LRRC38: variants seen among roughly 807,000 people sequenced by gnomAD.
The protein encoded by LRRC38 is leucine rich repeat containing 38.
A neutral mutation model predicts 16.4 loss-of-function variants in LRRC38; 5 were observed. The ratio of observed to expected loss-of-function variants is 0.31; its 90% CI spans 0.16 to 0.64. The LOEUF is 0.64. LRRC38 is among the 30% of genes least tolerant of loss of function. LRRC38 has a pLI of 0.80. For missense variants in LRRC38, 341 were observed against 401.8 expected (o/e 0.85, Z 1.29); for synonymous variants, 191 against 190.2 (o/e 1.00, Z -0.04).
At chr1:13,488,073 T>C (rs543682625) in intron 1 of LRRC38, among the ~76,000 whole-genome samples, 3 of 149,402 alleles carry the variant, frequency 2.0e-5, no homozygotes, top group African/African-American at 5.0e-5. Context: ...TACATAAATC[T>C]ACCAAGCAGA....
Position 13,512,987 on chromosome 1 carries a change from C to T in LRRC38, c.607G>A (p.Glu203Lys), listed in dbSNP as rs1639291506. 1 of 1,356,606 alleles carries T rather than the reference C, an allele frequency of 7.4e-7. No individual in the cohort carries two copies. The highest frequency in any genetic ancestry group is 9.8e-7 in the Non-Finnish European group (1 of 1,025,392). The allele number at this position is 1,356,606 out of a possible 1,614,324, so 84.0% of individuals were successfully genotyped here. ...DFAHLFSWIQENASKLPKGLD... is the reference protein window; with the variant it reads ...DFAHLFSWIQKNASKLPKGLD... ...CCTTTGGGCAGTTTGGATGCGTTCT[C>T]CTGGATCCAGGAGAAGAGGTGGGCG... Residue 203 changes from glutamate to lysine, a missense_variant, in exon 1 of 2, where the codon GAG (glutamate) becomes AAG (lysine). Glu to Lys is a moderately conservative substitution (Grantham distance 56). Coordinates refer to ENST00000376085, the MANE Select transcript of LRRC38 (RefSeq NM_001010847.2).
chr1:13,499,922 C>T (rs115697476), intron 1 of LRRC38, among the ~76,000 whole-genome samples: 168 of 152,208 alleles, frequency 1.1e-3, no homozygotes, highest in African/African-American at 3.8e-3. Flanking sequence ...CTGTACAGGG[C>T]GAACCTGCCT....
intron 1 of LRRC38, among the ~76,000 whole-genome samples, chr1:13,493,466 C>T (rs1639042255): frequency 1.3e-5 from 2 of 152,178 alleles, no homozygotes; most frequent in South Asian, 4.1e-4. Context: ...GAGATCCAGG[C>T]CGACCCCCTA....
intron 1 of LRRC38, among the ~76,000 whole-genome samples, chr1:13,497,628 C>CAAA (rs35035006): frequency 2.3e-4 from 34 of 150,546 alleles, no homozygotes; most frequent in East Asian, 1.2e-3. Flanking sequence ...ACTTCATATG[C>CAAA]AAAAAAAAAG....
At chr1:13,484,084 G>A (rs936031682) in intron 1 of LRRC38, among the ~76,000 whole-genome samples, 1 of 151,904 alleles carries the variant, frequency 6.6e-6, no homozygotes, top group Non-Finnish European at 1.5e-5. Flanking sequence ...TCCACAGCCC[G>A]CATCACCCCT....
intron 1 of LRRC38, among the ~76,000 whole-genome samples, chr1:13,499,351 G>A (rs893769475): frequency 1.5e-4 from 23 of 152,038 alleles, no homozygotes; most frequent in African/African-American, 3.9e-4. Flanking sequence ...CACCCGCCCC[G>A]GCCTCCCAAA....
At chr1:13,488,424 A>G (rs923557855) in intron 1 of LRRC38, among the ~76,000 whole-genome samples, 2 of 152,018 alleles carry the variant, frequency 1.3e-5, no homozygotes, top group African/African-American at 4.8e-5. Context: ...GGCACTTGCC[A>G]CCATGCCTGG....
chr1:13,498,196 TCTGGGGCAGGAAGCAGAGACGAC>T (rs1179034509), intron 1 of LRRC38, among the ~76,000 whole-genome samples: 3 of 151,458 alleles, frequency 2.0e-5, no homozygotes, highest in Admixed American at 2.0e-4. Flanking sequence ...AGGAGCCTGC[TCTGGGGCAGGAAGCAGAGACGAC>T]CCCCAACCAA....
chr1:13,484,382 C>T (rs1442026256), intron 1 of LRRC38, among the ~76,000 whole-genome samples: 1 of 152,038 alleles, frequency 6.6e-6, no homozygotes, highest in East Asian at 1.9e-4. Context: ...TGAGGTCCAG[C>T]GTTTTGTTTT....
intron 1 of LRRC38, among the ~76,000 whole-genome samples, chr1:13,482,612 C>T (rs1007821563): frequency 5.3e-5 from 8 of 151,754 alleles, no homozygotes; most frequent in Non-Finnish European, 8.8e-5. Flanking sequence ...GTGCAACGCC[C>T]CACAAGACAG....
chr1:13,492,190 G>A (rs1389625395), intron 1 of LRRC38, among the ~76,000 whole-genome samples: 1 of 152,100 alleles, frequency 6.6e-6, no homozygotes, highest in Admixed American at 6.5e-5. Context: ...TCTACGTACT[G>A]CGTACAAGTG....
In LRRC38 at chr1:13,483,630, C is replaced by T. The variant is rs188863301; in HGVS notation, c.632-7531G>A. 2.6e-4 allele frequency among the ~76,000 whole-genome samples: 40 copies of T among 152,182 alleles called. 1 individual carries two copies. The highest frequency in any genetic ancestry group is 1.5e-3 in the Admixed American group (23 of 15,300). On this transcript the variant is annotated intron_variant, in intron 1 of 1. Coordinates refer to ENST00000376085, the MANE Select transcript of LRRC38 (RefSeq NM_001010847.2). ...ATACAGAATGAAGAGATGCTGCCCA[C>T]GTTAGGGTTAGGACGGACCCCAGGC...
chr1:13,476,966 A>G (rs1221448075), intron 1 of LRRC38, among the ~76,000 whole-genome samples: 1 of 152,152 alleles, frequency 6.6e-6, no homozygotes, highest in Non-Finnish European at 1.5e-5. Flanking sequence ...TTAGCCGGGC[A>G]TGGTGGTGTG....
At chr1:13,488,175 T>C (rs1311264141) in intron 1 of LRRC38, among the ~76,000 whole-genome samples, 2 of 152,068 alleles carry the variant, frequency 1.3e-5, no homozygotes, top group Non-Finnish European at 2.9e-5. Context: ...GGCATTTTAT[T>C]GTGTAGATGA....
chr1:13,479,384 T>C (rs904235744), intron 1 of LRRC38, among the ~76,000 whole-genome samples: 1 of 152,178 alleles, frequency 6.6e-6, no homozygotes, highest in African/African-American at 2.4e-5. Flanking sequence ...GAAATCCTCA[T>C]CTTCAGGAAG....
In LRRC38 at chr1:13,513,266, CGAG is replaced by C; in HGVS notation, c.325_327del (p.Leu109del). The C allele has an allele frequency of 6.5e-7, 1 of 1,550,348 alleles. No homozygotes were observed. Among genetic ancestry groups the C allele is most frequent in the African/African-American group, 1.4e-5 (1 of 73,088 alleles). On this transcript the variant is annotated inframe_deletion, in exon 1 of 2. Coordinates refer to ENST00000376085, the MANE Select transcript of LRRC38 (RefSeq NM_001010847.2). ...TGGGTCAAGTTGTTGTAGCTGAGGT[CGAG>C]GAACACGAGCTTGGCCGAGCCGCTG...
chr1:13,492,002 G>A (rs1639018912), intron 1 of LRRC38, among the ~76,000 whole-genome samples: 1 of 152,090 alleles, frequency 6.6e-6, no homozygotes, highest in Admixed American at 6.6e-5. Flanking sequence ...CAGGTGGAAA[G>A]TTTCTCTAGC....
intron 1 of LRRC38, among the ~76,000 whole-genome samples, chr1:13,506,497 G>A (rs1639215396): frequency 2.6e-5 from 4 of 151,968 alleles, no homozygotes; most frequent in African/African-American, 4.8e-5. Flanking sequence ...TCGCTCAGTC[G>A]CCCAGGCTGG....
chr1:13,489,385 A>T (rs1638980373), intron 1 of LRRC38, among the ~76,000 whole-genome samples: 2 of 152,184 alleles, frequency 1.3e-5, no homozygotes, highest in South Asian at 2.1e-4. Flanking sequence ...GTTTCACAGC[A>T]TCATAGAAGA....
Sources: allele counts gnomAD v4.1 joint callset (sites outside exome capture counted in the v4.1 genomes callset), GRCh38; gene constraint gnomAD v4.1.1; transcripts MANE v1.5; gene names NCBI Gene and HGNC (gene_info 2026-07-23, HGNC 2026-07-21).